The following RASAL3 variants were observed in gnomAD, a reference collection of about 807,000 sequenced individuals.
RASAL3 encodes the protein RAS protein activator like-3.
RASAL3 carries 74 observed loss-of-function variants against 105.5 expected under a neutral mutation model. That is an observed-to-expected ratio of 0.70 (90% CI 0.58 to 0.85). The LOEUF is 0.85. Among genes scored for constraint, RASAL3 ranks in the 40% least tolerant of loss-of-function variants. RASAL3 has a pLI of 0.00. For synonymous variants in RASAL3, 579 were observed against 591.6 expected, an observed-to-expected ratio of 0.98 and a Z score of 0.31; for missense variants, 1,352 against 1,392.0, an observed-to-expected ratio of 0.97 and a Z score of 0.46.
rs759161243 is a variant in RASAL3 at position 15,451,853 on chromosome 19, C to G, written c.2978G>C (p.Gly993Ala). 14 of 1,608,518 alleles carry G rather than the reference C, an allele frequency of 8.7e-6. No homozygotes were observed. The African/African-American group carries it at 1.6e-4, about 18-fold the overall frequency. The stretch of plus-strand genomic sequence containing the variant: ...GAGGGGCTGGGGTTGACTCCAAGAC[C>G]CCCGCGTCCTTGGAGAAAGCTGCAG... Reference protein sequence around the residue: ...QSLQLSPRTRGSWSQPQPLKA... With the variant: ...QSLQLSPRTRASWSQPQPLKA... The change falls in exon 18 of 18, where the codon GGG becomes GCG. Residue 993 changes from glycine to alanine, a missense_variant. This residue lies in a region of RASAL3 where 920 missense variants were observed against 919.6 expected (regional missense o/e 1.00). Transcript: ENST00000343625.
At chr19:15,458,212 G>T in intron 8 of RASAL3, 116 bp downstream of exon 8, 2 of 889,402 alleles carry the variant, frequency 2.2e-6, no homozygotes, top group Admixed American at 2.1e-5. Flanking sequence ...CGATGCAGGC[G>T]GGGCAGGTGT....
At chr19:15,458,239 A>T in intron 8 of RASAL3, 89 bp downstream of exon 8, 5 of 1,259,446 alleles carry the variant, frequency 4.0e-6, no homozygotes, top group South Asian at 2.6e-5. Context: ...GGCGCGGGTT[A>T]TGGAGCGAGC....
In RASAL3 at chr19:15,452,583, G is replaced by A. The variant is rs565749783; in HGVS notation, c.2828+75C>T. On this transcript the variant is annotated intron_variant, in intron 16 of 17. Coordinates refer to ENST00000343625, the MANE Select transcript of RASAL3 (RefSeq NM_022904.3). ...CCGTGCTAGGCGTGGTTTGGGGGGG[G>A]GGGGGAGGGCCTGGTCAGATCTAAT... 1.6e-4 allele frequency: 196 copies of A among 1,206,902 alleles called. 8 individuals are homozygous for A. In the South Asian group the frequency reaches 3.0e-3, roughly 19 times the overall value. 74.8% of individuals were successfully genotyped at this position (1,206,902 alleles called of 1,614,324 possible).
At position 15,458,510 on chromosome 19, in the gene RASAL3, G is replaced by A; in HGVS notation, c.789+19C>T. 6.2e-7 allele frequency: 1 copy of A among 1,613,856 alleles called. No homozygotes were observed. Among genetic ancestry groups the A allele is most frequent in the South Asian group, 1.1e-5 (1 of 91,030 alleles). On this transcript the variant is annotated intron_variant, in intron 7 of 17. Transcript: ENST00000343625. ...GAGGTGGGACTGAGGTGGAATCGAG[G>A]TGGACTGTCTACACTTACCTGAAAG...
chr19:15,463,036 A>C (rs1477105477), intron 2 of RASAL3, among the ~76,000 whole-genome samples: 1 of 150,978 alleles, frequency 6.6e-6, no homozygotes, highest in Non-Finnish European at 1.5e-5. Flanking sequence ...ACTCTTCTAG[A>C]TCCCCCTGTG....
rs1970203166 is a variant in RASAL3 at position 15,452,879 on chromosome 19, T to C, written c.2671-64A>G. 4.7e-6 allele frequency: 7 copies of C among 1,478,774 alleles called. No homozygotes were observed. The East Asian group carries it at 1.5e-4, about 32-fold the overall frequency. 91.6% of individuals were successfully genotyped at this position (1,478,774 alleles called of 1,614,324 possible). A position where few individuals can be genotyped will look rare whatever the true frequency, so the allele number is the denominator to read the frequency against. ...CGCCCCTGTGTCTCCCCGGAGACCCTGACCTCCCAGGCCCAAGCGCTCAGC... is the reference window on the plus strand; with the variant it reads ...CGCCCCTGTGTCTCCCCGGAGACCCCGACCTCCCAGGCCCAAGCGCTCAGC... On this transcript the variant is annotated intron_variant, in intron 15 of 17. Transcript: ENST00000343625.
rs773624511 is a variant in RASAL3 at position 15,454,844 on chromosome 19, A to G, written c.1771T>C (p.Cys591Arg). Residue 591 changes from cysteine (C) to arginine (R), a missense_variant, in exon 12 of 18, where the codon TGT becomes CGT. Physicochemically the swap from Cys to Arg is radical, Grantham distance 180. Around this residue, in one of 3 missense-constraint regions of RASAL3, gnomAD observed 920 missense variants for 919.6 expected, o/e 1.00. Transcript: ENST00000343625. The part of the protein sequence containing the change: ...GIVFSSWREA[C>R]KERGSEVLGP... ...AGCACCTCAGAGCCACGTTCTTTAC[A>G]TGCTTCTCGCCAGCTTGAGAACACG... is the stretch of plus-strand genomic sequence containing the variant. 7 of 1,580,938 alleles carry G rather than the reference A, an allele frequency of 4.4e-6. No individual in the cohort carries two copies. The highest frequency in any genetic ancestry group is 6.0e-6 in the Non-Finnish European group (7 of 1,163,886).
Position 15,457,216 on chromosome 19 carries a change from G to T in RASAL3, c.1431+76C>A. ...CCATTACAGGTGCAACTCAGGTCCT[G>T]CGCCCCAACTCCTGCCCGAAGCGCG... is the stretch of plus-strand genomic sequence containing the variant. On this transcript the variant is annotated intron_variant, in intron 9 of 17. Coordinates refer to ENST00000343625, the MANE Select transcript of RASAL3 (RefSeq NM_022904.3). The surrounding 1 kb of genome is among the most constrained non-coding windows in gnomAD (Gnocchi z 8.6). 8.5e-7 allele frequency: 1 copy of T among 1,172,118 alleles called. No homozygotes were observed. Among genetic ancestry groups the T allele is most frequent in the Non-Finnish European group, 1.1e-6 (1 of 929,924 alleles). 72.6% of individuals were successfully genotyped at this position (1,172,118 alleles called of 1,614,324 possible).
At position 15,464,055 on chromosome 19, in the gene RASAL3, G is replaced by C; in HGVS notation, c.304C>G (p.Pro102Ala). ...RHKNPPPEPD[P>A]EPEQEAPELE... ...CCTGGGGCCTCCTGCTCCGGCTCCG[G>C]GTCTGGCTCCGGCGGTGGGTTCTTA... The change falls in exon 2 of 18, where the codon CCG (proline) becomes GCG (alanine). Residue 102 changes from proline (P) to alanine (A), a missense_variant. Coordinates refer to ENST00000343625, the MANE Select transcript of RASAL3 (RefSeq NM_022904.3). 6.3e-7 allele frequency: 1 copy of C among 1,579,316 alleles called. No homozygotes were observed. Among genetic ancestry groups the C allele is most frequent in the Non-Finnish European group, 8.6e-7 (1 of 1,159,848 alleles).
chr19:15,457,473 G>C lies in RASAL3; in HGVS notation c.1250C>G (p.Ala417Gly). 1 of 1,305,464 alleles carries C rather than the reference G, an allele frequency of 7.7e-7. No homozygotes were observed. The highest frequency in any genetic ancestry group is 9.8e-7 in the Non-Finnish European group (1 of 1,023,546). The allele number at this position is 1,305,464 out of a possible 1,614,324, so 80.9% of individuals were successfully genotyped here. A position where few individuals can be genotyped will look rare whatever the true frequency, so the allele number is the denominator to read the frequency against. ...GCGCAGGCGACGCGCCCGAATCCGC[G>C]CCCGCAGCGCTGCGCCCGCCGGCGC... ...LGAPAGAALR[A>G]RIRARRLRVL... Residue 417 changes from alanine (A) to glycine (G), a missense_variant, in exon 9 of 18, where the codon GCG becomes GGG. Physicochemically the swap from Ala to Gly is moderately conservative, Grantham distance 60. Coordinates refer to ENST00000343625, the MANE Select transcript of RASAL3 (RefSeq NM_022904.3). This position sits in a 1 kb window ranked among gnomAD's most constrained non-coding sequence, Gnocchi z 8.6.
At chr19:15,454,960 G>T in intron 11 of RASAL3, 67 bp from the exon 12 acceptor site, 1 of 1,233,932 alleles carries the variant, frequency 8.1e-7, no homozygotes, top group Non-Finnish European at 1.1e-6. Flanking sequence ...AAGTCATAAG[G>T]TTGGGAGTCC....
chr19:15,452,574 TTGG>T (rs1252669129), intron 16 of RASAL3, 81 bp downstream of exon 16: 8 of 801,494 alleles, frequency 1.0e-5, no homozygotes, highest in African/African-American at 5.7e-5. Flanking sequence ...TAGGCGTGGT[TTGG>T]GGGGGGGGGG....
rs958107237 is a variant in RASAL3, at chr19:15,457,134, C to T, written c.1431+158G>A. Among the ~76,000 whole-genome samples the T allele has an allele frequency of 2.3e-4, 35 of 152,030 alleles. No homozygotes were observed. Among genetic ancestry groups the T allele is most frequent in the African/African-American group, 7.7e-4 (32 of 41,388 alleles). ...AGGTGCCCCGCCCTTCTAGGTGCCC[C>T]GCCGCTTACAGGTGACACTTGGACC... is the stretch of plus-strand genomic sequence containing the variant. On this transcript the variant is annotated intron_variant, in intron 9 of 17. Coordinates refer to ENST00000343625, the MANE Select transcript of RASAL3 (RefSeq NM_022904.3). The surrounding 1 kb of genome is among the most constrained non-coding windows in gnomAD (Gnocchi z 8.6).
At chr19:15,458,701 C>A in intron 6 of RASAL3, 46 bp from the exon 7 acceptor site, 2 of 1,594,958 alleles carry the variant, frequency 1.3e-6, no homozygotes, top group South Asian at 1.1e-5. Flanking sequence ...GCCTCTTCCC[C>A]ATCCCCCATA....
chr19:15,455,273 G>A (rs1970282919), intron 11 of RASAL3, among the ~76,000 whole-genome samples: 2 of 152,144 alleles, frequency 1.3e-5, no homozygotes, highest in East Asian at 1.9e-4. Context: ...GTAGGATTGG[G>A]GCTCTGGAGG....
At chr19:15,458,087 A>T in intron 8 of RASAL3, 1 of 627,402 alleles carries the variant, frequency 1.6e-6, no homozygotes, top group African/African-American at 1.8e-5. Context: ...AGACTTCGCG[A>T]TTGCCTGGCA....
Position 15,464,367 on chromosome 19 carries a change from G to GT in RASAL3, c.-10_-9insA, listed in dbSNP as rs778425078. ...GGCGACGGTGGGTCCATGGTTGGGG[G>GT]GGGGGGTCTCCTGGGGGACGAGAGA... On this transcript the variant is annotated 5_prime_UTR_variant, in exon 2 of 18. Transcript: ENST00000343625. 3.2e-6 allele frequency: 5 copies of GT among 1,576,210 alleles called. No homozygotes were observed. The highest frequency in any genetic ancestry group is 1.4e-5 in the African/African-American group (1 of 73,876).
chr19:15,456,768 C>CAGCAGTAAGGACTGGGCCTA lies in RASAL3; in HGVS notation c.1432-123_1432-122insTAGGCCCAGTCCTTACTGCT. ...GCCCCTTGTAGCTGATGCTTAGGCC[C>CAGCAGTAAGGACTGGGCCTA]AGTCCTTACTGCTGGGGCTCATAAC... On this transcript the variant is annotated intron_variant, in intron 9 of 17. Transcript: ENST00000343625. The surrounding 1 kb of genome is among the most constrained non-coding windows in gnomAD (Gnocchi z 4.4). The CAGCAGTAAGGACTGGGCCTA allele has an allele frequency of 1.7e-6, 2 of 1,189,980 alleles. No homozygotes were observed. Among genetic ancestry groups the CAGCAGTAAGGACTGGGCCTA allele is most frequent in the Non-Finnish European group, 2.4e-6 (2 of 851,040 alleles). The allele number at this position is 1,189,980 out of a possible 1,614,324, so 73.7% of individuals were successfully genotyped here. A position where few individuals can be genotyped will look rare whatever the true frequency, so the allele number is the denominator to read the frequency against.
chr19:15,454,128 C>A (rs377246821), intron 14 of RASAL3, 21 bp downstream of exon 14: 5 of 1,529,188 alleles, frequency 3.3e-6, no homozygotes, highest in Non-Finnish European at 4.4e-6. Flanking sequence ...CCATCAGACC[C>A]CAGACCAGAC....
Sources: allele counts gnomAD v4.1 joint callset (sites outside exome capture counted in the v4.1 genomes callset), GRCh38; gene constraint gnomAD v4.1.1; regional missense constraint gnomAD v4.1.1; non-coding constraint Gnocchi (gnomAD v3.1); transcripts MANE v1.5; gene names NCBI Gene and HGNC (gene_info 2026-07-23, HGNC 2026-07-21).